KANK1: variants seen among roughly 807,000 people sequenced by gnomAD.
The protein encoded by KANK1 is KN motif and ankyrin repeat domain-containing protein 1.
In KANK1, 109 loss-of-function variants were observed where a neutral mutation model predicts 106.2. The ratio of observed to expected loss-of-function variants is 1.03; its 90% confidence interval spans 0.88 to 1.20. KANK1 has a LOEUF of 1.20. Ranked by LOEUF, KANK1 falls within the 50% of genes most tolerant of loss-of-function variation. The pLI, the probability that KANK1 is intolerant of heterozygous loss-of-function variation, is 0.00. For synonymous variants in KANK1, 873 were observed against 652.2 expected, an observed-to-expected ratio of 1.34 and a Z score of -5.16; for missense variants, 2,399 against 1,710.7, an observed-to-expected ratio of 1.40 and a Z score of -7.10.
intron 3 of KANK1, among the ~76,000 whole-genome samples, chr9:724,230 A>G (rs138035597): frequency 8.5e-5 from 13 of 152,270 alleles, no homozygotes; most frequent in African/African-American, 3.1e-4. Context: ...AGGGACATAT[A>G]CTGAAATATT....
chr9:582,351 G>C (rs1425500526), intron 1 of KANK1, among the ~76,000 whole-genome samples: 1 of 152,190 alleles, frequency 6.6e-6, no homozygotes, highest in Non-Finnish European at 1.5e-5. Flanking sequence ...TATTCCGTAA[G>C]AGTAGCCTTC....
chr9:708,523 T>C (rs1214899155), intron 2 of KANK1, among the ~76,000 whole-genome samples: 1 of 152,236 alleles, frequency 6.6e-6, no homozygotes, highest in East Asian at 1.9e-4. Flanking sequence ...TTAATATTGT[T>C]TTAAATTGGG....
chr9:660,734 T>C (rs566998866), intron 1 of KANK1, among the ~76,000 whole-genome samples: 8 of 152,242 alleles, frequency 5.3e-5, no homozygotes, highest in African/African-American at 1.9e-4. Context: ...GAGGATGGGG[T>C]AAGGCAGCAA....
At chr9:701,911 C>A (rs1822765963) in intron 2 of KANK1, among the ~76,000 whole-genome samples, 1 of 152,280 alleles carries the variant, frequency 6.6e-6, no homozygotes, top group African/African-American at 2.4e-5. Flanking sequence ...ATATCCATAA[C>A]TCCATTTCAC....
At chr9:700,448 C>T (rs1055710592) in intron 2 of KANK1, among the ~76,000 whole-genome samples, 3 of 152,198 alleles carry the variant, frequency 2.0e-5, no homozygotes, top group African/African-American at 7.2e-5. Flanking sequence ...ACACTTTCCA[C>T]TCCTGGAAAA....
Position 712,148 on chromosome 9 carries a change from C to A in KANK1, c.1382C>A (p.Thr461Asn), listed in dbSNP as rs746119087. Residue 461 changes from threonine to asparagine, a missense_variant, in exon 3 of 12, where the codon ACC becomes AAC. Transcript: ENST00000382297. ...ADKEIELQQQ[T>N]IESLKEKIYR... ...AAAGAAATTGAGCTGCAACAGCAGA[C>A]CATAGAATCCTTGAAGGAAAAGATC... The A allele has an allele frequency of 6.2e-7, 1 of 1,614,082 alleles. No individual in the cohort carries two copies. The highest frequency in any genetic ancestry group is 2.2e-5 in the East Asian group (1 of 44,882).
intron 1 of KANK1, among the ~76,000 whole-genome samples, chr9:532,273 C>G (rs113682502): frequency 1.5e-3 from 196 of 134,204 alleles, no homozygotes; most frequent in African/African-American, 5.4e-3. Flanking sequence ...CAGAGTTTCA[C>G]TCTTGTTGCC....
intron 3 of KANK1, among the ~76,000 whole-genome samples, chr9:727,039 A>T (rs1043261560): frequency 1.3e-5 from 2 of 152,224 alleles, no homozygotes. Flanking sequence ...TTTAATACAC[A>T]TCATGCTCAT....
chr9:545,956 C>G (rs1332079440), intron 1 of KANK1, among the ~76,000 whole-genome samples: 1 of 151,972 alleles, frequency 6.6e-6, no homozygotes, highest in Non-Finnish European at 1.5e-5. Flanking sequence ...CTATGTTGGC[C>G]AGGCTGGTCT....
Position 688,290 on chromosome 9 carries a change from C to A in KANK1, c.37+11281C>A, listed in dbSNP as rs1374205723. ...TTGTAGTTATCTGCTTTCTCTCCCT[C>A]ACTTGCTCTAAGGCAGGCTTAAGAT... On this transcript the variant is annotated intron_variant, in intron 2 of 11. Coordinates refer to ENST00000382297, the MANE Select transcript of KANK1 (RefSeq NM_015158.5). Among the ~76,000 whole-genome samples, 3 of 152,192 alleles carry A rather than the reference C, an allele frequency of 2.0e-5. No homozygotes were observed. In the South Asian group the frequency reaches 6.2e-4, roughly 31 times the overall value.
rs758130769 is a variant in KANK1 at position 591,858 on chromosome 9, C to T, written c.-83-85032C>T. Reference sequence around the variant, plus strand: ...ATTTTTAGTAGAGTCGGGGTTTCACCGTGTTAGCCAGGCTGATCTCAAACT... The same window carrying T: ...ATTTTTAGTAGAGTCGGGGTTTCACTGTGTTAGCCAGGCTGATCTCAAACT... On this transcript the variant is annotated intron_variant, in intron 1 of 11. Transcript: ENST00000382297. Among the ~76,000 whole-genome samples, 27 of 151,646 alleles carry T rather than the reference C, an allele frequency of 1.8e-4. 1 individual carries two copies. The highest frequency in any genetic ancestry group is 6.3e-4 in the African/African-American group (26 of 41,032).
intron 1 of KANK1, among the ~76,000 whole-genome samples, chr9:648,332 ATAG>A (rs1198452606): frequency 2.0e-5 from 3 of 152,054 alleles, no homozygotes; most frequent in Admixed American, 6.6e-5. Flanking sequence ...TATTAACTGC[ATAG>A]TAGTTAGTTT....
At chr9:575,990 T>C (rs1820456817) in intron 1 of KANK1, among the ~76,000 whole-genome samples, 2 of 152,230 alleles carry the variant, frequency 1.3e-5, no homozygotes, top group South Asian at 4.1e-4. Context: ...GCCACTGGAC[T>C]CCAGCGTAGG....
chr9:659,248 TTAAAA>T (rs762024329), intron 1 of KANK1, among the ~76,000 whole-genome samples: 26 of 152,348 alleles, frequency 1.7e-4, no homozygotes, highest in Admixed American at 7.2e-4. Flanking sequence ...TATCATTTTC[TTAAAA>T]TTAGAGGATA....
Position 712,368 on chromosome 9 carries a change from G to A in KANK1, c.1602G>A (p.Val534=), listed in dbSNP as rs1236203871. 1 of 1,614,180 alleles carries A rather than the reference G, an allele frequency of 6.2e-7. No homozygotes were observed. Among genetic ancestry groups the A allele is most frequent in the Non-Finnish European group, 8.5e-7 (1 of 1,180,040 alleles). Residue 534 remains valine, a synonymous_variant, in exon 3 of 12, where the codon GTG becomes GTA. Transcript: ENST00000382297. ...DQMVGSHMDL[V]DTCVGTSVET... ...TGGTCGGCAGTCACATGGACCTGGT[G>A]GACACGTGTGTTGGGACCTCCGTGG...
At chr9:511,678 A>C (rs905531084) in intron 1 of KANK1, among the ~76,000 whole-genome samples, 28 of 152,176 alleles carry the variant, frequency 1.8e-4, no homozygotes, top group African/African-American at 6.5e-4. Context: ...GAATTATAGA[A>C]TTTCTAATAC....
At chr9:663,234 T>C (rs949003594) in intron 1 of KANK1, among the ~76,000 whole-genome samples, 1 of 152,146 alleles carries the variant, frequency 6.6e-6, no homozygotes, top group African/African-American at 2.4e-5. Context: ...TAAACTAACT[T>C]ATATCTGTGG....
chr9:624,943 GACTT>G (rs1833996546), intron 1 of KANK1, among the ~76,000 whole-genome samples: 1 of 152,186 alleles, frequency 6.6e-6, no homozygotes, highest in Non-Finnish European at 1.5e-5. Context: ...CCTTGACTTG[GACTT>G]ACTTTATGCC....
chr9:733,359 A>G lies in KANK1; in HGVS notation c.3245+742A>G, dbSNP rs548271022. The stretch of plus-strand genomic sequence containing the variant: ...CAAATGAAAGTTTAACTGCATTAAA[A>G]CAAGGTAAGTGTTTTTAGTTTATAT... On this transcript the variant is annotated intron_variant, in intron 6 of 11. Transcript: ENST00000382297. The G allele has an allele frequency of 5.9e-5, 9 of 152,380 alleles. No homozygotes were observed. The South Asian group carries it at 6.2e-4, about 11-fold the overall frequency. 9.4% of individuals were successfully genotyped at this position (152,380 alleles called of 1,614,324 possible). A position where few individuals can be genotyped will look rare whatever the true frequency, so the allele number is the denominator to read the frequency against.
Sources: gnomAD v4.1 joint callset for allele counts (sites outside exome capture counted in the v4.1 genomes callset) on GRCh38, gnomAD v4.1.1 for gene constraint, MANE v1.5 for transcripts, NCBI Gene and HGNC (gene_info 2026-07-23, HGNC 2026-07-21) for gene names.